The following SHTN1 variants were observed in gnomAD, a reference collection of about 807,000 sequenced individuals.
The protein encoded by SHTN1 is shootin 1, also known as shootin-1.
A neutral mutation model predicts 83.1 loss-of-function variants in SHTN1; 42 were observed. That is an observed-to-expected ratio of 0.51 (90% CI 0.39 to 0.65). SHTN1 has a LOEUF of 0.65. SHTN1 is among the 30% of genes least tolerant of loss of function. The probability of loss-of-function intolerance (pLI) is 0.00; values close to 1 mark genes in which losing one functional copy is unlikely to be tolerated. For synonymous variants in SHTN1, 224 were observed against 247.7 expected (o/e 0.90, Z 0.90); for missense variants, 622 against 737.8 (o/e 0.84, Z 1.82).
At chr10:117,100,164 C>T (rs761061743) in intron 1 of SHTN1, among the ~76,000 whole-genome samples, 9 of 152,016 alleles carry the variant, frequency 5.9e-5, no homozygotes, top group East Asian at 3.9e-4. Flanking sequence ...GCAACAACAG[C>T]GAAACTCCGT....
intron 4 of SHTN1, among the ~76,000 whole-genome samples, chr10:116,957,484 C>A (rs1850027603): frequency 6.6e-6 from 1 of 151,336 alleles, no homozygotes; most frequent in Non-Finnish European, 1.5e-5. Flanking sequence ...AATCTCCTGA[C>A]CTCAGGTGAT....
chr10:117,086,762 A>G lies in SHTN1; in HGVS notation c.-188-38252T>C, dbSNP rs542677260. Among the ~76,000 whole-genome samples, 223 of 152,336 alleles carry G rather than the reference A, an allele frequency of 1.5e-3. 2 individuals are homozygous for G. The highest frequency in any genetic ancestry group is 3.1e-3 in the South Asian group (15 of 4,828). On this transcript the variant is annotated intron_variant, in intron 1 of 17. Coordinates refer to the SHTN1 transcript ENST00000392901. ...AATTCCATTCCTAGGTGTATACCCG[A>G]AAGAATTGAAAACAGGGACTCAAAC...
Position 117,107,047 on chromosome 10 carries a change from A to C in SHTN1, c.-189+19260T>G, listed in dbSNP as rs568830152. The stretch of plus-strand genomic sequence containing the variant: ...TAATGAAGGTATCTTTAAAGAGAAT[A>C]GTCAAAAACCTCCACTTATATTCCC... On this transcript the variant is annotated intron_variant, in intron 1 of 17. Transcript: ENST00000392901. 1.8e-4 allele frequency among the ~76,000 whole-genome samples: 27 copies of C among 152,338 alleles called. No individual in the cohort carries two copies. In the South Asian group the frequency reaches 5.6e-3, roughly 32 times the overall value.
upstream of SHTN1, among the ~76,000 whole-genome samples, chr10:117,008,968 A>G (rs1852061674): frequency 1.3e-5 from 2 of 152,146 alleles, no homozygotes; most frequent in Non-Finnish European, 2.9e-5. Flanking sequence ...ATAAAAAATA[A>G]GCTGGGCGTG....
At chr10:117,007,905 G>A (rs545271489), upstream of SHTN1, among the ~76,000 whole-genome samples, 1 of 151,834 alleles carries the variant, frequency 6.6e-6, no homozygotes, top group East Asian at 1.9e-4. Context: ...CTACTCGGGA[G>A]GCTGAGGCAG....
chr10:116,994,222 G>C (rs144163753), intron 1 of SHTN1, among the ~76,000 whole-genome samples: 1 of 152,042 alleles, frequency 6.6e-6, no homozygotes, highest in Admixed American at 6.6e-5. Context: ...GGAAAGGAGT[G>C]ATTTTGTCTA....
intron 16 of SHTN1, among the ~76,000 whole-genome samples, chr10:116,889,911 G>A (rs1019644080): frequency 1.2e-4 from 18 of 152,194 alleles, no homozygotes; most frequent in Admixed American, 3.9e-4. Context: ...TGGCTCCCAC[G>A]GGCAGCTGCC....
At position 116,960,124 on chromosome 10, in the gene SHTN1, T is replaced by C. The variant is rs777004604; in HGVS notation, c.267+12A>G. The C allele has an allele frequency of 6.6e-6, 10 of 1,524,846 alleles. No homozygotes were observed. Among genetic ancestry groups the C allele is most frequent in the African/African-American group, 1.4e-5 (1 of 73,062 alleles). The allele number at this position is 1,524,846 out of a possible 1,614,324, so 94.5% of individuals were successfully genotyped here. A position where few individuals can be genotyped will look rare whatever the true frequency, so the allele number is the denominator to read the frequency against. On this transcript the variant is annotated intron_variant, in intron 4 of 16. Transcript: ENST00000355371. ...AAAAGCTCAGGTAAAATTCCTTCATTTGAAGTCTCACCTTTGTTGCCAAAG... is the reference window on the plus strand; with the variant it reads ...AAAAGCTCAGGTAAAATTCCTTCATCTGAAGTCTCACCTTTGTTGCCAAAG...
intron 14 of SHTN1, among the ~76,000 whole-genome samples, chr10:116,908,416 A>T (rs1473157348): frequency 2.6e-5 from 4 of 152,186 alleles, no homozygotes; most frequent in Admixed American, 1.3e-4. Flanking sequence ...TCACACCATA[A>T]GGTATGACCA....
rs537679363 is a variant in SHTN1 at position 116,940,359 on chromosome 10, A to G, written c.858+107T>C. The stretch of plus-strand genomic sequence containing the variant: ...CACTTAGTAACTAAGGCAAAATATG[A>G]AACAGTAAATGACTGGACTGACTGC... On this transcript the variant is annotated intron_variant, in intron 9 of 16. Transcript: ENST00000355371. 3.1e-4 allele frequency: 362 copies of G among 1,155,804 alleles called. 6 individuals are homozygous for G. The South Asian group carries it at 6.5e-3, about 21-fold the overall frequency. The allele number at this position is 1,155,804 out of a possible 1,614,324, so 71.6% of individuals were successfully genotyped here. A position where few individuals can be genotyped will look rare whatever the true frequency, so the allele number is the denominator to read the frequency against.
chr10:116,997,745 T>A (rs1362201050), intron 1 of SHTN1, among the ~76,000 whole-genome samples: 2 of 152,180 alleles, frequency 1.3e-5, no homozygotes, highest in African/African-American at 4.8e-5. Flanking sequence ...GTTCCCCCTT[T>A]TCCATATTGT....
chr10:117,004,314 T>C (rs1400143535), intron 1 of SHTN1, among the ~76,000 whole-genome samples: 3 of 152,040 alleles, frequency 2.0e-5, no homozygotes, highest in Non-Finnish European at 4.4e-5. Flanking sequence ...TGGTAACTGA[T>C]GAAAAAAATG....
At chr10:116,938,792 C>T (rs1849260714) in intron 9 of SHTN1, among the ~76,000 whole-genome samples, 1 of 152,224 alleles carries the variant, frequency 6.6e-6, no homozygotes, top group Non-Finnish European at 1.5e-5. Flanking sequence ...GGTTCTCTGT[C>T]CCAGGGAGAT....
chr10:116,954,297 T>G (rs1202952475), intron 4 of SHTN1, 87 bp from the exon 5 acceptor site: 10 of 827,818 alleles, frequency 1.2e-5, no homozygotes, highest in Non-Finnish European at 1.7e-5. Context: ...AAGTATATTT[T>G]TGTCTTACAT....
intron 12 of SHTN1, among the ~76,000 whole-genome samples, chr10:116,917,319 T>A (rs1848413638): frequency 6.6e-6 from 1 of 152,194 alleles, no homozygotes; most frequent in Non-Finnish European, 1.5e-5. Flanking sequence ...ATACTTTTTT[T>A]TTGAGATGGA....
chr10:116,933,014 A>G (rs1490636477), intron 9 of SHTN1, among the ~76,000 whole-genome samples: 1 of 152,138 alleles, frequency 6.6e-6, no homozygotes, highest in Non-Finnish European at 1.5e-5. Context: ...TCTTTTCTTG[A>G]AAAGGTAATT....
intron 15 of SHTN1, 23 bp downstream of exon 15, chr10:116,906,604 G>A (rs772147409): frequency 6.2e-7 from 1 of 1,603,570 alleles, no homozygotes; most frequent in East Asian, 2.2e-5. Flanking sequence ...GAGAAGGACT[G>A]TGGAGAATTC....
chr10:117,033,080 C>T (rs1852443659), intron 2 of SHTN1, among the ~76,000 whole-genome samples: 1 of 151,882 alleles, frequency 6.6e-6, no homozygotes, highest in Non-Finnish European at 1.5e-5. Flanking sequence ...TGCCTGCCTA[C>T]ATCAAAAAAG....
chr10:117,057,913 A>G (rs1366924082), intron 1 of SHTN1, among the ~76,000 whole-genome samples: 1 of 152,256 alleles, frequency 6.6e-6, no homozygotes, highest in African/African-American at 2.4e-5. Context: ...AAGGGAGCTA[A>G]GACTATTCAA....
Sources: allele counts gnomAD v4.1 joint callset (sites outside exome capture counted in the v4.1 genomes callset), GRCh38; gene constraint gnomAD v4.1.1; transcripts MANE v1.5; gene names NCBI Gene and HGNC (gene_info 2026-07-23, HGNC 2026-07-21).